The following TRPS1 variants were observed in gnomAD, a reference collection of about 807,000 sequenced individuals.
TRPS1 encodes the protein zinc finger transcription factor Trps1.
Under a neutral mutation model 101.2 loss-of-function variants are expected in TRPS1, and 6 were observed. The ratio of observed to expected loss-of-function variants is 0.06; its 90% confidence interval spans 0.03 to 0.12. The LOEUF is 0.12. Among genes scored for constraint, TRPS1 ranks in the 10% least tolerant of loss-of-function variants. The pLI is 1.00. For synonymous variants in TRPS1, 578 were observed against 589.8 expected (o/e 0.98, Z 0.29); for missense variants, 1,363 against 1,567.0 (o/e 0.87, Z 2.20).
In TRPS1 at chr8:115,587,523, A is replaced by G. The variant is rs762462408; in HGVS notation, c.2178T>C (p.Thr726=). 1.9e-6 allele frequency: 3 copies of G among 1,614,164 alleles called. No homozygotes were observed. The highest frequency in any genetic ancestry group is 1.1e-5 in the South Asian group (1 of 91,086). ...DTQSLLEHFN[T]VHCQEQDITT... ...TGATGTCCTGTTCCTGGCAGTGAACAGTGTTGAAGTGCTCCAGTAGTGACT... is the reference window on the plus strand; with the variant it reads ...TGATGTCCTGTTCCTGGCAGTGAACGGTGTTGAAGTGCTCCAGTAGTGACT... Residue 726 remains threonine, a synonymous_variant, in exon 5 of 7, where the codon ACT becomes ACC. Coordinates refer to ENST00000395715, the MANE Select transcript of TRPS1 (RefSeq NM_014112.5).
At chr8:115,432,998 G>C (rs891877784) in intron 5 of TRPS1, among the ~76,000 whole-genome samples, 2 of 151,800 alleles carry the variant, frequency 1.3e-5, no homozygotes, top group African/African-American at 4.8e-5. Context: ...AATAATGTGA[G>C]TTCCTATCTG....
intron 5 of TRPS1, among the ~76,000 whole-genome samples, chr8:115,470,538 C>T (rs1814441949): frequency 6.6e-6 from 1 of 152,104 alleles, no homozygotes; most frequent in Non-Finnish European, 1.5e-5. Flanking sequence ...TAGAATCAGA[C>T]ATTAGTTTGG....
chr8:115,499,963 CTTTTCTTTTCT>C lies in TRPS1; in HGVS notation c.2701-81522_2701-81512del, dbSNP rs1393670311. Among the ~76,000 whole-genome samples the C allele has an allele frequency of 1.1e-4, 6 of 52,502 alleles. 1 individual carries two copies. Among genetic ancestry groups the C allele is most frequent in the East Asian group, 6.2e-4 (1 of 1,618 alleles). The allele number at this position is 52,502 out of a possible 152,430, so 34.4% of individuals were successfully genotyped here. ...TCTTTCTTTCTTTCTTTCTTTCTTTCTTTTCTTTTCTTTTCTTTTCTTTTCTTTTCTAGTAT... is the reference window on the plus strand; with the variant it reads ...TCTTTCTTTCTTTCTTTCTTTCTTTCTTTCTTTTCTTTTCTTTTCTAGTAT... On this transcript the variant is annotated intron_variant, in intron 5 of 6. Transcript: ENST00000395715.
At chr8:115,586,874 A>G in intron 5 of TRPS1, 127 bp downstream of exon 5, 1 of 1,548,684 alleles carries the variant, frequency 6.5e-7, no homozygotes, top group Admixed American at 1.7e-5. Context: ...TAGGAGTATA[A>G]ATCCCCAGAT....
At chr8:115,415,204 G>T in intron 6 of TRPS1, 120 bp from the exon 7 acceptor site, 2 of 1,069,558 alleles carry the variant, frequency 1.9e-6, no homozygotes, top group Non-Finnish European at 2.6e-6. Flanking sequence ...GCTTTCTGCT[G>T]TAGATTTACT....
intron 6 of TRPS1, among the ~76,000 whole-genome samples, chr8:115,415,564 G>A (rs1322260055): frequency 1.3e-5 from 2 of 152,150 alleles, no homozygotes; most frequent in Admixed American, 6.6e-5. Flanking sequence ...AAACCACAGT[G>A]TGACTGTGTC....
At chr8:115,533,448 T>TGTTTTTTTTTG (rs199572316) in intron 5 of TRPS1, among the ~76,000 whole-genome samples, 1,763 of 130,068 alleles carry the variant, frequency 0.014, 69 homozygotes, top group African/African-American at 0.054. Context: ...TTTTTTTTTT[T>TGTTTTTTTTTG]TTTTTTTTTT....
At position 115,587,274 on chromosome 8, in the gene TRPS1, C is replaced by G; in HGVS notation, c.2427G>C (p.Gly809=). 1 of 1,614,198 alleles carries G rather than the reference C, an allele frequency of 6.2e-7. No homozygotes were observed. The highest frequency in any genetic ancestry group is 8.5e-7 in the Non-Finnish European group (1 of 1,180,026). Reference sequence around the variant, plus strand: ...ACGGACTCCCCCGCAGGATGTCTGCCCCTCTCCAAGTCACATTGCGAAGGT... The same window carrying G: ...ACGGACTCCCCCGCAGGATGTCTGCGCCTCTCCAAGTCACATTGCGAAGGT... ...SDDLRNVTWR[G]ADILRGSPSY... is the part of the protein sequence containing the mutation. Residue 809 remains glycine, a synonymous_variant, in exon 5 of 7, where the codon GGG becomes GGC. Coordinates refer to ENST00000395715, the MANE Select transcript of TRPS1 (RefSeq NM_014112.5).
chr8:115,568,874 T>C (rs1041649923), intron 5 of TRPS1, among the ~76,000 whole-genome samples: 1 of 152,176 alleles, frequency 6.6e-6, no homozygotes, highest in African/African-American at 2.4e-5. Flanking sequence ...GCCTCTCTGA[T>C]TTAGCATCTC....
chr8:115,531,295 C>T (rs1409430195), intron 5 of TRPS1, among the ~76,000 whole-genome samples: 1 of 152,120 alleles, frequency 6.6e-6, no homozygotes, highest in Non-Finnish European at 1.5e-5. Flanking sequence ...TCTGAACTTT[C>T]TATTAAATTA....
intron 5 of TRPS1, among the ~76,000 whole-genome samples, chr8:115,515,483 C>A (rs552722764): frequency 6.6e-6 from 1 of 151,320 alleles, no homozygotes. Flanking sequence ...GACAAATGAA[C>A]GTATTTTTAA....
intron 3 of TRPS1, among the ~76,000 whole-genome samples, chr8:115,613,646 G>A (rs1818218522): frequency 6.6e-6 from 1 of 152,084 alleles, no homozygotes; most frequent in African/African-American, 2.4e-5. Flanking sequence ...AATATATGCT[G>A]TTTCCTTATT....
intron 5 of TRPS1, among the ~76,000 whole-genome samples, chr8:115,496,782 C>T (rs1355285358): frequency 6.6e-6 from 1 of 151,992 alleles, no homozygotes; most frequent in Non-Finnish European, 1.5e-5. Flanking sequence ...TAGTCTATAC[C>T]GTGAAGTCCT....
intron 1 of TRPS1, among the ~76,000 whole-genome samples, chr8:115,630,638 A>G (rs1818618463): frequency 6.6e-6 from 1 of 152,014 alleles, no homozygotes; most frequent in Non-Finnish European, 1.5e-5. Flanking sequence ...AATAAAAAAT[A>G]TTTCATGTTC....
At chr8:115,475,246 T>A (rs1052214677) in intron 5 of TRPS1, among the ~76,000 whole-genome samples, 5 of 142,298 alleles carry the variant, frequency 3.5e-5, no homozygotes, top group Non-Finnish European at 7.6e-5. Context: ...GTAATTTTAC[T>A]ATATATTTTT....
rs181645052 is a variant in TRPS1 at position 115,588,614 on chromosome 8, G to A, written c.2097-1010C>T. On this transcript the variant is annotated intron_variant, in intron 4 of 6. Coordinates refer to ENST00000395715, the MANE Select transcript of TRPS1 (RefSeq NM_014112.5). Reference sequence around the variant, plus strand: ...GTATTGCACTGTAAAAAGCATACCCGAAAGATACACAAGTGATGTGGAAAA... The same window carrying A: ...GTATTGCACTGTAAAAAGCATACCCAAAAGATACACAAGTGATGTGGAAAA... Among the ~76,000 whole-genome samples the A allele has an allele frequency of 2.2e-4, 33 of 152,240 alleles. No homozygotes were observed. The East Asian group carries it at 6.0e-3, about 28-fold the overall frequency.
chr8:115,537,785 G>A (rs183983641), intron 5 of TRPS1, among the ~76,000 whole-genome samples: 2 of 152,270 alleles, frequency 1.3e-5, no homozygotes, highest in Admixed American at 6.5e-5. Flanking sequence ...AATGTAATAC[G>A]TAAGTGAGTT....
chr8:115,447,029 C>T (rs370365924), intron 5 of TRPS1, among the ~76,000 whole-genome samples: 1 of 152,096 alleles, frequency 6.6e-6, no homozygotes, highest in African/African-American at 2.4e-5. Flanking sequence ...TGCCCTACTC[C>T]AAGACCCGGT....
intron 1 of TRPS1, among the ~76,000 whole-genome samples, chr8:115,650,446 A>G (rs1811533946): frequency 6.6e-6 from 1 of 152,236 alleles, no homozygotes. Flanking sequence ...TTTCTCCTTC[A>G]TGGTCCCATG....
Sources: gnomAD v4.1 joint callset for allele counts (sites outside exome capture counted in the v4.1 genomes callset) on GRCh38, gnomAD v4.1.1 for gene constraint, MANE v1.5 for transcripts, NCBI Gene and HGNC (gene_info 2026-07-23, HGNC 2026-07-21) for gene names.